PTPRC: variants seen among roughly 807,000 people sequenced by gnomAD.
The protein encoded by PTPRC is receptor-type tyrosine-protein phosphatase C.
A neutral mutation model predicts 155.9 loss-of-function variants in PTPRC; 44 were observed. That is an observed-to-expected ratio of 0.28 (90% CI 0.22 to 0.36). The LOEUF is 0.36. Among genes scored for constraint, PTPRC ranks in the 10% least tolerant of loss-of-function variants. The pLI is 1.00. For synonymous variants in PTPRC, 525 were observed against 533.1 expected, an observed-to-expected ratio of 0.98 and a Z score of 0.21; for missense variants, 1,401 against 1,564.6, an observed-to-expected ratio of 0.90 and a Z score of 1.76.
intron 2 of PTPRC, among the ~76,000 whole-genome samples, chr1:198,640,747 A>C (rs1407184683): frequency 6.6e-6 from 1 of 152,038 alleles, no homozygotes; most frequent in Admixed American, 6.6e-5. Context: ...ATAAAGAAAT[A>C]CTGAGACATT....
rs1338407932 is a variant in PTPRC, at chr1:198,696,932, C to T, written c.298+23C>T. 3.2e-6 allele frequency: 5 copies of T among 1,582,926 alleles called. No individual in the cohort carries two copies. The East Asian group carries it at 1.1e-4, about 35-fold the overall frequency. ...CAGGTTGGCACACAAAAGTTGTTAA[C>T]TTAAATATCAGGGAATGTCATTTAG... On this transcript the variant is annotated intron_variant, in intron 4 of 32. Coordinates refer to ENST00000442510, the MANE Select transcript of PTPRC (RefSeq NM_002838.5).
intron 2 of PTPRC, among the ~76,000 whole-genome samples, chr1:198,675,479 T>G (rs1206616163): frequency 6.6e-6 from 1 of 152,118 alleles, no homozygotes; most frequent in African/African-American, 2.4e-5. Flanking sequence ...ATCTTCCCCC[T>G]GACTAGGTTT....
At chr1:198,641,549 C>T (rs185954220) in intron 2 of PTPRC, among the ~76,000 whole-genome samples, 11 of 152,136 alleles carry the variant, frequency 7.2e-5, no homozygotes, top group South Asian at 2.1e-4. Context: ...ATCTTTGCCA[C>T]GGCAACAACC....
intron 2 of PTPRC, among the ~76,000 whole-genome samples, chr1:198,658,432 CT>C (rs1387219544): frequency 2.0e-5 from 3 of 152,110 alleles, no homozygotes; most frequent in African/African-American, 7.2e-5. Flanking sequence ...GTGATGTGGA[CT>C]GTAATTGTGC....
intron 8 of PTPRC, 39 bp from the exon 9 acceptor site, chr1:198,706,695 T>C: frequency 6.3e-7 from 1 of 1,582,686 alleles, no homozygotes; most frequent in African/African-American, 1.3e-5. Flanking sequence ...GTTTTATTTA[T>C]TCTGGAAAAA....
chr1:198,688,623 C>T (rs1377232256), intron 2 of PTPRC, among the ~76,000 whole-genome samples: 2 of 152,192 alleles, frequency 1.3e-5, no homozygotes, highest in Non-Finnish European at 1.5e-5. Context: ...TCACTCAGCA[C>T]ATTGTGATTT....
chr1:198,757,114 T>TTGA lies in PTPRC; in HGVS notation c.*935_*937dup, dbSNP rs1655718940. On this transcript the variant is annotated 3_prime_UTR_variant, in exon 33 of 33. Coordinates refer to ENST00000442510, the MANE Select transcript of PTPRC (RefSeq NM_002838.5). ...ATAGCTATTTTTATGGAATTTTTCA[T>TTGA]TGATATGAAAAATATGATATTGCAT... 1 of 151,908 alleles carries TTGA rather than the reference T, an allele frequency of 6.6e-6. No individual in the cohort carries two copies. 9.4% of individuals were successfully genotyped at this position (151,908 alleles called of 1,614,324 possible). A position where few individuals can be genotyped will look rare whatever the true frequency, so the allele number is the denominator to read the frequency against.
intron 2 of PTPRC, among the ~76,000 whole-genome samples, chr1:198,691,595 G>A (rs16843712): frequency 0.089 from 13,483 of 151,962 alleles, 778 homozygotes; most frequent in African/African-American, 0.15. Context: ...TTTCCTGAAA[G>A]GTTGATCTAA....
At position 198,704,256 on chromosome 1, in the gene PTPRC, A is replaced by G. The variant is rs147792001; in HGVS notation, c.659-216A>G. Among the ~76,000 whole-genome samples the G allele has an allele frequency of 5.3e-3, 800 of 152,264 alleles. 11 individuals carry two copies. Among genetic ancestry groups the G allele is most frequent in the African/African-American group, 0.018 (741 of 41,556 alleles). ...ATATTGTTAATTGTATTTATTGGGT[A>G]TATTTATGAAAAATTTTATAGAATT... On this transcript the variant is annotated intron_variant, in intron 7 of 32. Transcript: ENST00000442510.
chr1:198,669,809 G>A (rs1664542480), intron 2 of PTPRC, among the ~76,000 whole-genome samples: 4 of 152,080 alleles, frequency 2.6e-5, no homozygotes, highest in African/African-American at 9.7e-5. Context: ...GGGCTGTAAA[G>A]TCAACTGAAT....
At chr1:198,643,536 TTTTGTTTG>T (rs771775981) in intron 2 of PTPRC, among the ~76,000 whole-genome samples, 4 of 151,904 alleles carry the variant, frequency 2.6e-5, no homozygotes, top group African/African-American at 9.6e-5. Context: ...GCCTTTTTGT[TTTTGTTTG>T]TTTGTTTGTT....
At chr1:198,743,422 A>G (rs1655003328) in intron 25 of PTPRC, among the ~76,000 whole-genome samples, 1 of 151,910 alleles carries the variant, frequency 6.6e-6, no homozygotes, top group Non-Finnish European at 1.5e-5. Context: ...TTTACAGTGG[A>G]AAATAAAGTA....
Position 198,716,726 on chromosome 1 carries a change from T to C in PTPRC, c.1336T>C (p.Leu446=). The change falls in exon 13 of 33, where the codon TTG becomes CTG. Residue 446 remains leucine, a synonymous_variant. Coordinates refer to ENST00000442510, the MANE Select transcript of PTPRC (RefSeq NM_002838.5). ...NLDKNLIKYD[L]QNLKPYTKYV... Reference sequence around the variant, plus strand: ...GGATAAAAACCTGATCAAATATGATTTGCAAAATTTAAAACCTTATACGAA... The same window carrying C: ...GGATAAAAACCTGATCAAATATGATCTGCAAAATTTAAAACCTTATACGAA... 1 of 1,612,480 alleles carries C rather than the reference T, an allele frequency of 6.2e-7. No homozygotes were observed. Among genetic ancestry groups the C allele is most frequent in the Non-Finnish European group, 8.5e-7 (1 of 1,179,788 alleles).
chr1:198,728,424 A>G lies in PTPRC; in HGVS notation c.1805A>G (p.Tyr602Cys), dbSNP rs370560920. 9 of 1,612,642 alleles carry G rather than the reference A, an allele frequency of 5.6e-6. No individual in the cohort carries two copies. The highest frequency in any genetic ancestry group is 5.5e-5 in the South Asian group (5 of 91,046). Residue 602 changes from tyrosine (Y) to cysteine (C), a missense_variant, in exon 16 of 33, where the codon TAT (tyrosine) becomes TGT (cysteine). Tyr to Cys is a radical substitution (Grantham distance 194). Transcript: ENST00000442510. ...IALLVVLYKI[Y>C]DLHKKRSCNL... ...CTGCTTGTTGTTCTCTACAAAATCT[A>G]TGATCTACATAAGAAAAGATCCTGG...
intron 5 of PTPRC, chr1:198,699,983 C>A: frequency 1.9e-6 from 1 of 522,058 alleles, no homozygotes; most frequent in Non-Finnish European, 3.4e-6. Flanking sequence ...CAGGCAATTA[C>A]CATTCTACAG....
chr1:198,717,098 C>G (rs1419723513), intron 13 of PTPRC, among the ~76,000 whole-genome samples: 1 of 152,178 alleles, frequency 6.6e-6, no homozygotes, highest in Non-Finnish European at 1.5e-5. Context: ...TGTGCAATTT[C>G]ATGCAGTTAA....
rs891420483 is a variant in PTPRC at position 198,711,639 on chromosome 1, A to G, written c.1172-1314A>G. Among the ~76,000 whole-genome samples the G allele has an allele frequency of 7.2e-5, 11 of 152,334 alleles. No homozygotes were observed. In the East Asian group the frequency reaches 2.1e-3, roughly 29 times the overall value. ...GATGAATTGGAGTGCATAAAAATTGAATATTCCTGCTCTTTGGATGAGGCC... is the reference window on the plus strand; with the variant it reads ...GATGAATTGGAGTGCATAAAAATTGGATATTCCTGCTCTTTGGATGAGGCC... On this transcript the variant is annotated intron_variant, in intron 11 of 32. Transcript: ENST00000442510.
intron 11 of PTPRC, 133 bp from the exon 12 acceptor site, chr1:198,712,820 C>A: frequency 2.0e-6 from 2 of 976,334 alleles, no homozygotes; most frequent in Non-Finnish European, 3.2e-6. Context: ...AGCCCAGATG[C>A]ATTTCTTTAA....
intron 28 of PTPRC, chr1:198,750,214 T>C (rs993218891): frequency 1.4e-5 from 6 of 434,166 alleles, no homozygotes; most frequent in Non-Finnish European, 2.6e-5. Context: ...TTAACCTTTA[T>C]AGAGAAACAA....
Sources: gnomAD v4.1 joint callset for allele counts (sites outside exome capture counted in the v4.1 genomes callset) on GRCh38, gnomAD v4.1.1 for gene constraint, MANE v1.5 for transcripts, NCBI Gene and HGNC (gene_info 2026-07-23, HGNC 2026-07-21) for gene names.